DLGAP4: variants seen among roughly 807,000 people sequenced by gnomAD.
DLGAP4 encodes the protein disks large-associated protein 4.
In DLGAP4, 18 loss-of-function variants were observed where a neutral mutation model predicts 86.9. The ratio of observed to expected loss-of-function variants is 0.21; its 90% CI spans 0.14 to 0.31. The LOEUF is 0.31. DLGAP4 is among the 10% of genes least tolerant of loss of function. The pLI is 1.00. For synonymous variants in DLGAP4, 548 were observed against 574.3 expected (o/e 0.95, Z 0.65); for missense variants, 1,085 against 1,362.6 (o/e 0.80, Z 3.21).
chr20:36,475,336 G>A (rs536642129), intron 7 of DLGAP4, among the ~76,000 whole-genome samples: 1 of 152,144 alleles, frequency 6.6e-6, no homozygotes, highest in Admixed American at 6.5e-5. Context: ...TCAGCCTCCT[G>A]AGTAGCTGGG....
In DLGAP4 at chr20:36,523,211, C is replaced by A. The variant is rs533938590; in HGVS notation, c.2513-1039C>A. 1.4e-4 allele frequency among the ~76,000 whole-genome samples: 21 copies of A among 152,186 alleles called. No homozygotes were observed. In the South Asian group the frequency reaches 3.9e-3, roughly 29 times the overall value. On this transcript the variant is annotated intron_variant, in intron 10 of 12. Coordinates refer to ENST00000339266, the MANE Select transcript of DLGAP4 (RefSeq NM_001365621.2). Reference sequence around the variant, plus strand: ...GGGACCACAGATGCGCACTAGCACACCCAGCTAATTTTTTGTATTTTTGGT... The same window carrying A: ...GGGACCACAGATGCGCACTAGCACAACCAGCTAATTTTTTGTATTTTTGGT...
Position 36,367,155 on chromosome 20 carries a change from C to T in DLGAP4, c.-193C>T, listed in dbSNP as rs1390059700. 6.6e-6 allele frequency: 1 copy of T among 152,624 alleles called. No individual in the cohort carries two copies. The highest frequency in any genetic ancestry group is 2.4e-5 in the African/African-American group (1 of 41,456). The allele number at this position is 152,624 out of a possible 1,614,324, so 9.5% of individuals were successfully genotyped here. On this transcript the variant is annotated 5_prime_UTR_variant, in exon 2 of 13. Transcript: ENST00000339266. ...GTCCCAAGCTGCTTCCTGCCGGCAC[C>T]TCTGATCAAGTGCCTAGAGGGATGT... is the stretch of plus-strand genomic sequence containing the variant.
intron 10 of DLGAP4, among the ~76,000 whole-genome samples, chr20:36,515,098 G>A (rs745443938): frequency 2.8e-4 from 42 of 152,216 alleles, no homozygotes; most frequent in East Asian, 5.8e-4. Flanking sequence ...GGAGGGATGC[G>A]TCCATCCAAA....
intron 8 of DLGAP4, chr20:36,497,341 TCCTGTCCACTGTTTG>T (rs937305679): frequency 1.9e-5 from 25 of 1,309,284 alleles, no homozygotes; most frequent in Non-Finnish European, 2.4e-5. Flanking sequence ...GCCAGCCATC[TCCTGTCCACTGTTTG>T]CCTGTCCACT....
chr20:36,409,074 C>T, intron 2 of DLGAP4, among the ~76,000 whole-genome samples: 1 of 126,304 alleles, frequency 7.9e-6, no homozygotes, highest in African/African-American at 3.0e-5. Context: ...CTCGCTCTGT[C>T]ACCCAGGCTG....
At chr20:36,381,434 T>A (rs1320004094) in intron 2 of DLGAP4, among the ~76,000 whole-genome samples, 1 of 152,234 alleles carries the variant, frequency 6.6e-6, no homozygotes, top group East Asian at 1.9e-4. Flanking sequence ...ATGAGATAGT[T>A]CAAGAAATAC....
chr20:36,499,676 G>A lies in DLGAP4; in HGVS notation c.2099G>A (p.Arg700Gln), dbSNP rs766469191. ...GGGGTTCAGGTAGAGGACGACTGGC[G>A]GTAAGTCGGACAGAGGTGGCGGCTG... ...SIGVQVEDDW[R>Q]SSVPSHSMSS... is the part of the protein sequence containing the mutation. The change falls in exon 9 of 13, where the codon CGA (arginine) becomes CAA (glutamine). Residue 700 changes from arginine to glutamine, a missense_variant and splice_region_variant. By Grantham distance (43) the Arg-to-Gln change is conservative. Around this residue, in one of 2 missense-constraint regions of DLGAP4, gnomAD observed 1,082 missense variants for 1,344.1 expected, o/e 0.81. Transcript: ENST00000339266. 6.2e-6 allele frequency: 10 copies of A among 1,613,080 alleles called. No individual in the cohort carries two copies. Among genetic ancestry groups the A allele is most frequent in the South Asian group, 1.1e-5 (1 of 90,736 alleles).
At chr20:36,400,974 A>G (rs2032142285) in intron 2 of DLGAP4, among the ~76,000 whole-genome samples, 1 of 152,114 alleles carries the variant, frequency 6.6e-6, no homozygotes, top group African/African-American at 2.4e-5. Flanking sequence ...CTTTGCCGGA[A>G]AAACTGGCTT....
intron 2 of DLGAP4, among the ~76,000 whole-genome samples, chr20:36,402,849 C>T (rs1405860334): frequency 6.6e-6 from 1 of 152,222 alleles, no homozygotes; most frequent in Non-Finnish European, 1.5e-5. Flanking sequence ...AAGCAACATA[C>T]TCAAAGTTCA....
intron 2 of DLGAP4, among the ~76,000 whole-genome samples, chr20:36,416,824 G>A (rs554767704): frequency 6.6e-6 from 1 of 152,286 alleles, no homozygotes; most frequent in Admixed American, 6.5e-5. Flanking sequence ...AAGCAAAAAA[G>A]AGGTGTGGAG....
intron 7 of DLGAP4, among the ~76,000 whole-genome samples, chr20:36,473,945 G>A (rs2034793453): frequency 6.6e-6 from 1 of 152,202 alleles, no homozygotes; most frequent in Non-Finnish European, 1.5e-5. Flanking sequence ...TCAGTTCCTG[G>A]GCTGCCAGCT....
At chr20:36,364,616 T>C (rs564633522) in intron 1 of DLGAP4, among the ~76,000 whole-genome samples, 2 of 152,340 alleles carry the variant, frequency 1.3e-5, no homozygotes, top group African/African-American at 2.4e-5. Flanking sequence ...TTTCCGTCTG[T>C]ACAGTGGCAC....
intron 1 of DLGAP4, among the ~76,000 whole-genome samples, chr20:36,313,682 G>C (rs1231237848): frequency 1.3e-5 from 2 of 151,430 alleles, no homozygotes; most frequent in African/African-American, 4.9e-5. Flanking sequence ...GTTTTCCATG[G>C]GCACACCCTG....
At chr20:36,335,997 C>T (rs1273685188) in intron 1 of DLGAP4, among the ~76,000 whole-genome samples, 2 of 152,146 alleles carry the variant, frequency 1.3e-5, no homozygotes, top group African/African-American at 2.4e-5. Flanking sequence ...TGTTTCTAAG[C>T]GCTGCTCCCA....
chr20:36,405,140 A>G (rs2147490634), intron 2 of DLGAP4, among the ~76,000 whole-genome samples: 1 of 152,348 alleles, frequency 6.6e-6, no homozygotes, highest in South Asian at 2.1e-4. Flanking sequence ...AAGGCCTTGA[A>G]TACCAGGGAA....
At chr20:36,513,531 G>A (rs2147823352) in intron 10 of DLGAP4, among the ~76,000 whole-genome samples, 1 of 146,026 alleles carries the variant, frequency 6.8e-6, no homozygotes, top group Non-Finnish European at 1.5e-5. Context: ...ATCCGGCCTG[G>A]GCGACAGAGC....
At chr20:36,436,080 C>G (rs761426650) in intron 3 of DLGAP4, 29 bp from the exon 4 acceptor site, 109 of 1,527,574 alleles carry the variant, frequency 7.1e-5, no homozygotes, top group Non-Finnish European at 9.4e-5. Context: ...TCTGCGGTGG[C>G]CCCACTGAGT....
Position 36,491,191 on chromosome 20 carries a change from C to CA in DLGAP4, c.1649-5500dup, listed in dbSNP as rs1181625223. ...TGGGCGACAGAACAAGACTCTGTCT[C>CA]AAAAAAAAAAAAAATGCAGAAACAA... On this transcript the variant is annotated intron_variant, in intron 7 of 12. Transcript: ENST00000339266. 9.8e-3 allele frequency among the ~76,000 whole-genome samples: 1,238 copies of CA among 126,002 alleles called. 14 individuals are homozygous for CA. The highest frequency in any genetic ancestry group is 0.029 in the African/African-American group (977 of 34,192). 82.7% of individuals were successfully genotyped at this position (126,002 alleles called of 152,430 possible). A position where few individuals can be genotyped will look rare whatever the true frequency, so the allele number is the denominator to read the frequency against.
Position 36,527,071 on chromosome 20 carries a change from A to G in DLGAP4, c.*40A>G. On this transcript the variant is annotated 3_prime_UTR_variant, in exon 13 of 13. Coordinates refer to ENST00000339266, the MANE Select transcript of DLGAP4 (RefSeq NM_001365621.2). Reference sequence around the variant, plus strand: ...AAAGAAACGATTTTAAATCATTAAAAACACAAAAACTAAGTGCGAACGGAA... The same window carrying G: ...AAAGAAACGATTTTAAATCATTAAAGACACAAAAACTAAGTGCGAACGGAA... 1 of 1,550,288 alleles carries G rather than the reference A, an allele frequency of 6.5e-7. No homozygotes were observed. Among genetic ancestry groups the G allele is most frequent in the East Asian group, 2.3e-5 (1 of 43,978 alleles).
Sources: gnomAD v4.1 joint callset for allele counts (sites outside exome capture counted in the v4.1 genomes callset) on GRCh38, gnomAD v4.1.1 for gene constraint, gnomAD v4.1.1 regional missense constraint, MANE v1.5 for transcripts, NCBI Gene and HGNC (gene_info 2026-07-23, HGNC 2026-07-21) for gene names.